Variants in SLC10A7 observed in about 807,000 individuals in gnomAD.
SLC10A7 encodes the protein sodium/bile acid cotransporter 7.
SLC10A7 carries 29 observed loss-of-function variants against 43.2 expected under a neutral mutation model. That is an observed-to-expected ratio of 0.67 (90% confidence interval 0.50 to 0.92). The LOEUF (loss-of-function observed/expected upper bound fraction) is 0.92, where lower values mean the gene tolerates loss of function less well. Among genes scored for constraint, SLC10A7 ranks in the 40% least tolerant of loss-of-function variants. The pLI is 0.00. For synonymous variants in SLC10A7, 152 were observed against 144.8 expected, an observed-to-expected ratio of 1.05 and a Z score of -0.35; for missense variants, 295 against 403.2, an observed-to-expected ratio of 0.73 and a Z score of 2.30.
intron 6 of SLC10A7, among the ~76,000 whole-genome samples, chr4:146,317,735 T>G (rs1032335558): frequency 6.6e-6 from 1 of 151,934 alleles, no homozygotes; most frequent in Non-Finnish European, 1.5e-5. Flanking sequence ...CCTTGAACAC[T>G]GGGACTATGG....
intron 7 of SLC10A7, among the ~76,000 whole-genome samples, chr4:146,295,014 C>A (rs1730685069): frequency 6.6e-6 from 1 of 152,068 alleles, no homozygotes; most frequent in Non-Finnish European, 1.5e-5. Flanking sequence ...GCTGAATTAC[C>A]ATGGATCCAT....
At chr4:146,483,245 G>T (rs1440485164) in intron 4 of SLC10A7, among the ~76,000 whole-genome samples, 1 of 152,076 alleles carries the variant, frequency 6.6e-6, no homozygotes, top group East Asian at 1.9e-4. Flanking sequence ...TAGTATGAAG[G>T]TTAAAAGTCA....
At chr4:146,271,717 C>A (rs1264163610) in intron 10 of SLC10A7, among the ~76,000 whole-genome samples, 1 of 152,178 alleles carries the variant, frequency 6.6e-6, no homozygotes, top group Non-Finnish European at 1.5e-5. Context: ...GGCCCCTCTC[C>A]CATTACCATT....
At chr4:146,418,706 A>G (rs375603987) in intron 5 of SLC10A7, among the ~76,000 whole-genome samples, 4 of 152,160 alleles carry the variant, frequency 2.6e-5, no homozygotes, top group South Asian at 2.1e-4. Flanking sequence ...GTTTCCCCAC[A>G]CACCAAGCAA....
chr4:146,384,024 A>G (rs1290931730), intron 5 of SLC10A7, among the ~76,000 whole-genome samples: 2 of 152,256 alleles, frequency 1.3e-5, no homozygotes, highest in East Asian at 3.9e-4. Flanking sequence ...CAGTTTCCTC[A>G]GTTACACATC....
chr4:146,498,114 C>T (rs1037800389), intron 4 of SLC10A7, among the ~76,000 whole-genome samples: 1 of 143,796 alleles, frequency 7.0e-6, no homozygotes. Flanking sequence ...ACTCTTATTA[C>T]TTTTTTTTTT....
chr4:146,267,518 A>G (rs1578743025), intron 10 of SLC10A7, among the ~76,000 whole-genome samples: 1 of 152,282 alleles, frequency 6.6e-6, no homozygotes, highest in Non-Finnish European at 1.5e-5. Context: ...TTTTGCTCAA[A>G]TTCTCCATGG....
chr4:146,280,722 C>T (rs1192524749), intron 10 of SLC10A7, among the ~76,000 whole-genome samples: 1 of 152,086 alleles, frequency 6.6e-6, no homozygotes, highest in Non-Finnish European at 1.5e-5. Context: ...CTAAACATCC[C>T]TTGCTGTATG....
intron 10 of SLC10A7, among the ~76,000 whole-genome samples, chr4:146,264,974 T>A (rs1317689152): frequency 6.6e-6 from 1 of 152,202 alleles, no homozygotes; most frequent in African/African-American, 2.4e-5. Context: ...GAGATTAATA[T>A]TCCCCAAATC....
intron 5 of SLC10A7, among the ~76,000 whole-genome samples, chr4:146,390,084 G>T (rs1466137701): frequency 1.3e-5 from 2 of 152,172 alleles, no homozygotes; most frequent in Non-Finnish European, 2.9e-5. Flanking sequence ...AGTAAAATTT[G>T]TTGAAGACAT....
At chr4:146,471,399 T>C (rs1270335251) in intron 4 of SLC10A7, among the ~76,000 whole-genome samples, 1 of 152,214 alleles carries the variant, frequency 6.6e-6, no homozygotes, top group Non-Finnish European at 1.5e-5. Context: ...TGGCTTATTA[T>C]AAAACTAACT....
At chr4:146,289,561 T>C (rs757821924) in intron 9 of SLC10A7, among the ~76,000 whole-genome samples, 1 of 152,084 alleles carries the variant, frequency 6.6e-6, no homozygotes, top group Non-Finnish European at 1.5e-5. Flanking sequence ...AATTTGCAGT[T>C]TCCCAAAGTT....
In SLC10A7 at chr4:146,256,412, A is replaced by G. The variant is rs1008317142; in HGVS notation, c.*79T>C. On this transcript the variant is annotated 3_prime_UTR_variant, in exon 12 of 12. Transcript: ENST00000335472. ...TAAAATATGCATTGAGGCAACATTC[A>G]CAAGTACAAGTCTTCAGAATTGCTA... The G allele has an allele frequency of 9.9e-5, 137 of 1,379,012 alleles. No individual in the cohort carries two copies. In the South Asian group the frequency reaches 1.6e-3, roughly 16 times the overall value. 85.4% of individuals were successfully genotyped at this position (1,379,012 alleles called of 1,614,324 possible).
chr4:146,424,834 T>G (rs1316011734), intron 5 of SLC10A7, among the ~76,000 whole-genome samples: 1 of 152,190 alleles, frequency 6.6e-6, no homozygotes, highest in East Asian at 1.9e-4. Flanking sequence ...GAAGTTGTAT[T>G]TATTTTCCTG....
intron 5 of SLC10A7, among the ~76,000 whole-genome samples, chr4:146,361,699 C>G (rs963576943): frequency 2.0e-5 from 3 of 152,094 alleles, no homozygotes; most frequent in Non-Finnish European, 2.9e-5. Flanking sequence ...CCAAAAGCAT[C>G]AGAAACATCC....
At chr4:146,350,315 T>G (rs919165181) in intron 5 of SLC10A7, among the ~76,000 whole-genome samples, 20 of 151,756 alleles carry the variant, frequency 1.3e-4, no homozygotes, top group African/African-American at 4.6e-4. Flanking sequence ...AATATTGCGC[T>G]TTTCAGAACG....
At chr4:146,331,547 A>C (rs1435576386) in intron 5 of SLC10A7, among the ~76,000 whole-genome samples, 1 of 152,106 alleles carries the variant, frequency 6.6e-6, no homozygotes, top group Non-Finnish European at 1.5e-5. Context: ...CATTTTTATA[A>C]TCTCCCCAGA....
At chr4:146,352,955 C>T (rs1248519181) in intron 5 of SLC10A7, among the ~76,000 whole-genome samples, 1 of 141,986 alleles carries the variant, frequency 7.0e-6, no homozygotes, top group African/African-American at 2.6e-5. Flanking sequence ...AAATTGACAC[C>T]CTAACATCAC....
intron 5 of SLC10A7, among the ~76,000 whole-genome samples, chr4:146,390,825 T>C (rs1738374209): frequency 1.3e-5 from 2 of 152,076 alleles, no homozygotes; most frequent in Non-Finnish European, 2.9e-5. Context: ...TACTTCTTGC[T>C]TTTAATTCTA....
Sources: gnomAD v4.1 joint callset for allele counts (sites outside exome capture counted in the v4.1 genomes callset) on GRCh38, gnomAD v4.1.1 for gene constraint, MANE v1.5 for transcripts, NCBI Gene and HGNC (gene_info 2026-07-23, HGNC 2026-07-21) for gene names.